Variants in LRP1B observed in about 807,000 individuals in gnomAD.
LRP1B encodes LDL receptor related protein 1B.
In LRP1B, 217 loss-of-function variants were observed where a neutral mutation model predicts 556.6. That is an observed-to-expected ratio of 0.39 (90% CI 0.35 to 0.44). The LOEUF is 0.44. Among genes scored for constraint, LRP1B ranks in the 20% least tolerant of loss-of-function variants. LRP1B has a pLI of 1.00. For synonymous variants in LRP1B, 2,047 were observed against 1,865.8 expected, an observed-to-expected ratio of 1.10 and a Z score of -2.50; for missense variants, 5,053 against 5,620.8, an observed-to-expected ratio of 0.90 and a Z score of 3.23.
chr2:140,599,784 C>T (rs531066590), intron 42 of LRP1B, among the ~76,000 whole-genome samples: 1 of 152,080 alleles, frequency 6.6e-6, no homozygotes, highest in Non-Finnish European at 1.5e-5. Context: ...TTTCATTTCC[C>T]CCCTTCATTT....
intron 41 of LRP1B, among the ~76,000 whole-genome samples, chr2:140,658,496 TA>T (rs113851970): frequency 0.061 from 9,207 of 152,092 alleles, 315 homozygotes; most frequent in Admixed American, 0.079. Flanking sequence ...TCATTTTTAA[TA>T]ATTTTATTTT....
At chr2:141,791,672 A>T (rs1695616220) in intron 2 of LRP1B, among the ~76,000 whole-genome samples, 1 of 152,046 alleles carries the variant, frequency 6.6e-6, no homozygotes. Context: ...GATTTTCGAA[A>T]TGATTAACAA....
intron 27 of LRP1B, among the ~76,000 whole-genome samples, chr2:140,859,577 TA>T (rs958043596): frequency 2.0e-5 from 3 of 151,932 alleles, no homozygotes; most frequent in East Asian, 3.9e-4. Context: ...AGTGGGATTT[TA>T]AAAAAAATGA....
chr2:140,437,194 C>T (rs1294250636), intron 66 of LRP1B, among the ~76,000 whole-genome samples: 8 of 152,142 alleles, frequency 5.3e-5, no homozygotes, highest in Admixed American at 5.2e-4. Flanking sequence ...GCAGATCAGA[C>T]CAACCCCCAT....
chr2:140,394,773 G>A (rs531422465), intron 66 of LRP1B, among the ~76,000 whole-genome samples: 5 of 152,212 alleles, frequency 3.3e-5, no homozygotes, highest in East Asian at 1.9e-4. Flanking sequence ...AGTTTCTGTC[G>A]ATAACCTAGG....
intron 37 of LRP1B, among the ~76,000 whole-genome samples, chr2:140,708,564 G>C (rs902678348): frequency 5.8e-5 from 8 of 138,340 alleles, no homozygotes; most frequent in African/African-American, 2.0e-4. Context: ...ATTACACCAT[G>C]TTATAGTTCA....
intron 5 of LRP1B, among the ~76,000 whole-genome samples, chr2:141,242,391 TCTC>T (rs2105318449): frequency 6.6e-6 from 1 of 152,164 alleles, no homozygotes; most frequent in African/African-American, 2.4e-5. Context: ...TTTCTCTCTC[TCTC>T]TTTTCAAGAA....
chr2:141,671,988 G>A (rs1690690087), intron 2 of LRP1B, among the ~76,000 whole-genome samples: 1 of 151,828 alleles, frequency 6.6e-6, no homozygotes, highest in South Asian at 2.1e-4. Flanking sequence ...CTATATCCAG[G>A]GAGGCAGATA....
chr2:141,523,628 A>G (rs1684598466), intron 2 of LRP1B, among the ~76,000 whole-genome samples: 1 of 152,170 alleles, frequency 6.6e-6, no homozygotes, highest in Non-Finnish European at 1.5e-5. Context: ...TAATTTCAAA[A>G]TTCCCCTTCC....
intron 84 of LRP1B, among the ~76,000 whole-genome samples, chr2:140,294,247 T>A (rs1254358607): frequency 6.6e-6 from 1 of 152,240 alleles, no homozygotes; most frequent in African/African-American, 2.4e-5. Flanking sequence ...AAATACTAGC[T>A]CTAGTTGAAC....
At chr2:141,836,631 T>G (rs1697289306) in intron 1 of LRP1B, among the ~76,000 whole-genome samples, 1 of 151,994 alleles carries the variant, frequency 6.6e-6, no homozygotes, top group Non-Finnish European at 1.5e-5. Flanking sequence ...TTGTAACACA[T>G]ATATCAATTA....
chr2:140,463,027 G>T (rs1026180952), intron 60 of LRP1B, among the ~76,000 whole-genome samples: 11 of 152,114 alleles, frequency 7.2e-5, no homozygotes, highest in African/African-American at 1.9e-4. Context: ...AAGAAGTGAT[G>T]AGAAAGAAAA....
intron 1 of LRP1B, among the ~76,000 whole-genome samples, chr2:141,927,933 G>GA (rs796539501): frequency 0.072 from 9,044 of 125,446 alleles, 677 homozygotes; most frequent in African/African-American, 0.25. Context: ...AAGAAAGAAA[G>GA]AAAAAAAAAA....
chr2:141,250,380 G>A (rs1684216796), intron 4 of LRP1B, among the ~76,000 whole-genome samples: 1 of 152,058 alleles, frequency 6.6e-6, no homozygotes, highest in Middle Eastern at 3.2e-3. Context: ...GGGACTGGGG[G>A]TTGGGCTAAA....
chr2:140,480,696 C>G (rs1573986307), intron 59 of LRP1B, among the ~76,000 whole-genome samples: 1 of 152,148 alleles, frequency 6.6e-6, no homozygotes, highest in African/African-American at 2.4e-5. Context: ...CCACCTTGAC[C>G]TCCCAAAGTC....
chr2:141,660,328 TCTC>T (rs1235768171), intron 2 of LRP1B, among the ~76,000 whole-genome samples: 1 of 152,008 alleles, frequency 6.6e-6, no homozygotes, highest in East Asian at 1.9e-4. Flanking sequence ...GTGGAGCAGA[TCTC>T]CTCATGAGCC....
intron 43 of LRP1B, among the ~76,000 whole-genome samples, chr2:140,575,902 C>A (rs1681504327): frequency 6.6e-6 from 1 of 150,796 alleles, no homozygotes; most frequent in Non-Finnish European, 1.5e-5. Context: ...AGCCTGGAGA[C>A]AAAGCAAGAC....
At chr2:140,555,908 T>A (rs965054460) in intron 43 of LRP1B, among the ~76,000 whole-genome samples, 1 of 151,968 alleles carries the variant, frequency 6.6e-6, no homozygotes, top group Non-Finnish European at 1.5e-5. Flanking sequence ...TTGAGGTAAA[T>A]AAAAAAGCAG....
chr2:140,987,391 T>G (rs1021980804), intron 17 of LRP1B, among the ~76,000 whole-genome samples: 2 of 152,148 alleles, frequency 1.3e-5, no homozygotes, highest in Admixed American at 1.3e-4. Flanking sequence ...AATTGTGGTT[T>G]GGCCATTGAA....
Sources: allele counts gnomAD v4.1 joint callset (sites outside exome capture counted in the v4.1 genomes callset), GRCh38; gene constraint gnomAD v4.1.1; transcripts MANE v1.5; gene names NCBI Gene and HGNC (gene_info 2026-07-23, HGNC 2026-07-21).